The following RECQL variants were observed in gnomAD, a reference collection of about 807,000 sequenced individuals.
RECQL encodes the protein RecQ like helicase, also known as ATP-dependent DNA helicase Q1.
A neutral mutation model predicts 75.8 loss-of-function variants in RECQL; 73 were observed. The observed-to-expected ratio is 0.96, with a 90% confidence interval of 0.80 to 1.17. The LOEUF (loss-of-function observed/expected upper bound fraction) is 1.17, where lower values mean the gene tolerates loss of function less well. RECQL is among the 50% of genes most tolerant of loss of function. RECQL has a pLI of 0.00. For synonymous variants in RECQL, 248 were observed against 254.4 expected, an observed-to-expected ratio of 0.97 and a Z score of 0.24; for missense variants, 699 against 772.1, an observed-to-expected ratio of 0.91 and a Z score of 1.12.
chr12:21,473,660 G>A lies in RECQL; in HGVS notation c.1356-18C>T, dbSNP rs768343455. 6.2e-7 allele frequency: 1 copy of A among 1,600,394 alleles called. No individual in the cohort carries two copies. Among genetic ancestry groups the A allele is most frequent in the Non-Finnish European group, 8.6e-7 (1 of 1,169,254 alleles). Reference sequence around the variant, plus strand: ...GACGACATCTGCAAACACATTTAAAGATACAAATTATTAAAGGATATAATA... The same window carrying A: ...GACGACATCTGCAAACACATTTAAAAATACAAATTATTAAAGGATATAATA... On this transcript the variant is annotated intron_variant, in intron 11 of 14. Coordinates refer to ENST00000444129, the MANE Select transcript of RECQL (RefSeq NM_002907.4).
Position 21,478,826 on chromosome 12 carries a change from C to T in RECQL, c.701-857G>A, listed in dbSNP as rs1161898670. ...ACATCACTCCTTCAAGGTCTTTACA[C>T]GCAGAGAGGATGATGGACAGATGCA... On this transcript the variant is annotated intron_variant, in intron 6 of 14. Transcript: ENST00000444129. Among the ~76,000 whole-genome samples, 4 of 152,310 alleles carry T rather than the reference C, an allele frequency of 2.6e-5. No homozygotes were observed. In the South Asian group the frequency reaches 6.2e-4, roughly 24 times the overall value.
intron 2 of RECQL, among the ~76,000 whole-genome samples, chr12:21,497,724 G>A (rs542878930): frequency 6.6e-6 from 1 of 152,310 alleles, no homozygotes; most frequent in South Asian, 2.1e-4. Context: ...AAGATGACCT[G>A]GACATTGACC....
chr12:21,480,354 G>A (rs1408769851), intron 6 of RECQL, among the ~76,000 whole-genome samples: 1 of 152,148 alleles, frequency 6.6e-6, no homozygotes, highest in Non-Finnish European at 1.5e-5. Context: ...AGACTACTTA[G>A]GAAGCTGCTG....
In RECQL at chr12:21,477,971, T is replaced by C. The variant is rs2137351363; in HGVS notation, c.701-2A>G. On this transcript the variant is annotated splice_acceptor_variant, in intron 6 of 14. Transcript: ENST00000444129. LOFTEE classifies it high-confidence loss of function. ...TTAAGATACCAAGTGCCTTATAATC[T>C]GAAAAAACAAACAAAGTGGCCCTTT... The C allele has an allele frequency of 6.3e-7, 1 of 1,592,036 alleles. No homozygotes were observed. Among genetic ancestry groups the C allele is most frequent in the Non-Finnish European group, 8.5e-7 (1 of 1,172,440 alleles).
intron 2 of RECQL, 53 bp downstream of exon 2, chr12:21,499,502 T>C (rs1943566322): frequency 6.9e-7 from 1 of 1,456,730 alleles, no homozygotes; most frequent in Non-Finnish European, 9.3e-7. Context: ...TCAAATATCA[T>C]ACAAACAGAA....
intron 12 of RECQL, among the ~76,000 whole-genome samples, chr12:21,472,303 C>T (rs1487924454): frequency 6.6e-6 from 1 of 151,834 alleles, no homozygotes; most frequent in East Asian, 1.9e-4. Context: ...TGGGACTCAG[C>T]CCAGGAGGGT....
intron 6 of RECQL, 57 bp downstream of exon 6, chr12:21,483,319 G>T: frequency 1.8e-6 from 2 of 1,114,258 alleles, no homozygotes; most frequent in South Asian, 1.4e-5. Context: ...ATCATGCCAA[G>T]CTGAGTAAGG....
intron 2 of RECQL, 83 bp from the exon 3 acceptor site, chr12:21,491,799 G>A (rs1471989333): frequency 1.5e-5 from 18 of 1,232,504 alleles, no homozygotes; most frequent in South Asian, 6.1e-5. Context: ...GGTGTTGCCC[G>A]CCATATCAAT....
In RECQL at chr12:21,477,961, CCT is replaced by C. The variant is rs1175155253; in HGVS notation, c.707_708del (p.Lys236SerfsTer11). The C allele has an allele frequency of 6.3e-7, 1 of 1,595,564 alleles. No individual in the cohort carries two copies. Among genetic ancestry groups the C allele is most frequent in the South Asian group, 1.2e-5 (1 of 86,740 alleles). On this transcript the variant is annotated frameshift_variant, in exon 7 of 15. Transcript: ENST00000444129. LOFTEE classifies it high-confidence loss of function. ...QWGHDFRPDY[K>X]ALGILKRQFP... ...AACTGCCGCTTTAAGATACCAAGTG[CCT>C]TATAATCTGAAAAAACAAACAAAGT...
chr12:21,481,040 G>T (rs1225496159), intron 6 of RECQL, among the ~76,000 whole-genome samples: 1 of 152,072 alleles, frequency 6.6e-6, no homozygotes, highest in African/African-American at 2.4e-5. Context: ...AATTCTCTCT[G>T]TTCAAATAAC....
intron 4 of RECQL, among the ~76,000 whole-genome samples, chr12:21,488,648 A>C (rs1262613152): frequency 1.3e-5 from 2 of 152,070 alleles, no homozygotes; most frequent in Admixed American, 1.3e-4. Flanking sequence ...GAACCTCACC[A>C]CTTGTCCAAG....
chr12:21,471,369 AT>A, intron 13 of RECQL, 58 bp downstream of exon 13: 2 of 1,451,572 alleles, frequency 1.4e-6, no homozygotes, highest in Non-Finnish European at 1.9e-6. Flanking sequence ...TTCTGTTGCA[AT>A]TTTTAAAAAA....
chr12:21,485,131 C>A (rs1318302768), intron 5 of RECQL, among the ~76,000 whole-genome samples: 1 of 151,156 alleles, frequency 6.6e-6, no homozygotes, highest in Non-Finnish European at 1.5e-5. Context: ...ATCACTTGAA[C>A]CCACTGACGC....
chr12:21,470,789 A>C (rs1346232870), intron 14 of RECQL, 180 bp downstream of exon 14: 2 of 425,974 alleles, frequency 4.7e-6, no homozygotes, highest in Non-Finnish European at 7.8e-6. Flanking sequence ...GCCAGTCTAA[A>C]TTCTTTCACT....
intron 8 of RECQL, 103 bp from the exon 9 acceptor site, chr12:21,475,927 G>A: frequency 2.2e-6 from 2 of 926,788 alleles, no homozygotes; most frequent in Admixed American, 2.7e-5. Flanking sequence ...TGCACAGAAG[G>A]AAAAAAAGAA....
intron 2 of RECQL, among the ~76,000 whole-genome samples, chr12:21,497,165 T>C (rs115989292): frequency 0.024 from 3,600 of 152,274 alleles, 147 homozygotes; most frequent in African/African-American, 0.079. Context: ...CAGGCAGGCC[T>C]CCATCATCAC....
intron 6 of RECQL, among the ~76,000 whole-genome samples, 191 bp from the exon 7 acceptor site, chr12:21,478,160 C>T (rs755119099): frequency 5.9e-5 from 9 of 152,090 alleles, no homozygotes; most frequent in Non-Finnish European, 1.2e-4. Context: ...AGACATTACT[C>T]TTGGTCACGG....
intron 4 of RECQL, among the ~76,000 whole-genome samples, chr12:21,488,681 T>C (rs1943352212): frequency 6.6e-6 from 1 of 152,204 alleles, no homozygotes; most frequent in Non-Finnish European, 1.5e-5. Context: ...GTATCATTCT[T>C]GACTCTTCTT....
chr12:21,487,745 G>T (rs1239107690), intron 4 of RECQL, among the ~76,000 whole-genome samples: 1 of 152,090 alleles, frequency 6.6e-6, no homozygotes, highest in Non-Finnish European at 1.5e-5. Flanking sequence ...AGTAATGAGG[G>T]CTCTGCTTTC....
Sources: allele counts gnomAD v4.1 joint callset (sites outside exome capture counted in the v4.1 genomes callset), GRCh38; gene constraint gnomAD v4.1.1; transcripts MANE v1.5; gene names NCBI Gene and HGNC (gene_info 2026-07-23, HGNC 2026-07-21).